Variants in ABR observed in about 807,000 individuals in gnomAD.
ABR encodes the protein active breakpoint cluster region-related protein.
ABR carries 35 observed loss-of-function variants against 107.2 expected under a neutral mutation model. The observed-to-expected ratio is 0.33, with a 90% CI of 0.25 to 0.43. ABR has a LOEUF of 0.43. ABR is among the 20% of genes least tolerant of loss of function. The pLI, the probability that ABR is intolerant of heterozygous loss-of-function variation, is 1.00. For missense variants in ABR, 815 were observed against 1,115.2 expected (o/e 0.73, Z 3.83); for synonymous variants, 498 against 462.0 (o/e 1.08, Z -1.00).
intron 3 of ABR, among the ~76,000 whole-genome samples, chr17:1,096,899 G>C (rs550633382): frequency 1.3e-5 from 2 of 148,648 alleles, no homozygotes; most frequent in South Asian, 2.2e-4. Flanking sequence ...AGCTGGGGAA[G>C]GGGGGAAACC....
At chr17:1,220,465 C>T (rs191842697) in intron 1 of ABR, among the ~76,000 whole-genome samples, 6 of 152,220 alleles carry the variant, frequency 3.9e-5, no homozygotes, top group Non-Finnish European at 8.8e-5. Flanking sequence ...TGCAGCTACG[C>T]GGTGCAGAAA....
intron 1 of ABR, among the ~76,000 whole-genome samples, chr17:1,153,412 G>T (rs544729001): frequency 6.7e-6 from 1 of 148,614 alleles, no homozygotes; most frequent in Non-Finnish European, 1.5e-5. Context: ...CGGGAGGGCT[G>T]GGGGTCCAGG....
intron 1 of ABR, among the ~76,000 whole-genome samples, chr17:1,219,106 G>C (rs113646636): frequency 6.6e-6 from 1 of 151,946 alleles, no homozygotes; most frequent in African/African-American, 2.4e-5. Flanking sequence ...GCAGTGGCGC[G>C]ATCTCGGCTC....
intron 16 of ABR, 89 bp from the exon 17 acceptor site, chr17:1,013,253 TAC>T: frequency 7.8e-7 from 1 of 1,277,494 alleles, no homozygotes; most frequent in South Asian, 1.2e-5. Context: ...CAGAGCCAGC[TAC>T]ACAGTCAGGA....
chr17:1,130,746 G>A (rs537840207), intron 1 of ABR, among the ~76,000 whole-genome samples: 2 of 152,190 alleles, frequency 1.3e-5, no homozygotes, highest in Admixed American at 1.3e-4. Flanking sequence ...TAAATCCAAT[G>A]CTGTGTCCCT....
chr17:1,192,059 G>T (rs72816218), upstream of ABR, among the ~76,000 whole-genome samples: 8,179 of 152,234 alleles, frequency 0.054, 285 homozygotes, highest in South Asian at 0.088. Context: ...AGCTGATAAA[G>T]GAAGGGGGAA....
At chr17:1,007,418 G>A in intron 21 of ABR, 106 bp from the exon 22 acceptor site, 1 of 1,360,678 alleles carries the variant, frequency 7.3e-7, no homozygotes, top group Non-Finnish European at 1.0e-6. Context: ...CTCCTGGAAG[G>A]GGTCACCTCG....
chr17:1,024,423 C>T (rs905676626), intron 16 of ABR, among the ~76,000 whole-genome samples: 13 of 152,192 alleles, frequency 8.5e-5, no homozygotes, highest in African/African-American at 2.9e-4. Flanking sequence ...GGGGTCTGAA[C>T]GTCGCCCCTC....
chr17:1,049,385 C>A (rs1222755065), intron 16 of ABR, among the ~76,000 whole-genome samples: 1 of 152,080 alleles, frequency 6.6e-6, no homozygotes, highest in Non-Finnish European at 1.5e-5. Flanking sequence ...CCAGGCTGGT[C>A]TCGAACTCCT....
At chr17:1,062,005 C>G (rs1008322480) in intron 10 of ABR, among the ~76,000 whole-genome samples, 1 of 152,208 alleles carries the variant, frequency 6.6e-6, no homozygotes, top group East Asian at 1.9e-4. Context: ...CAAAAAGCCA[C>G]AGGATCTGGG....
intron 1 of ABR, among the ~76,000 whole-genome samples, chr17:1,169,613 C>T (rs2041633196): frequency 6.6e-6 from 1 of 152,104 alleles, no homozygotes; most frequent in South Asian, 2.1e-4. Context: ...TCTCTGGGCT[C>T]GAGGGCCGTC....
intron 6 of ABR, among the ~76,000 whole-genome samples, chr17:1,076,384 A>T (rs1268181606): frequency 2.6e-5 from 4 of 152,088 alleles, no homozygotes; most frequent in Non-Finnish European, 5.9e-5. Flanking sequence ...AGGCTGTTTA[A>T]GGCACCCACC....
At chr17:1,021,660 C>T (rs1477958635) in intron 16 of ABR, among the ~76,000 whole-genome samples, 7 of 151,634 alleles carry the variant, frequency 4.6e-5, no homozygotes, top group South Asian at 4.2e-4. Flanking sequence ...AAAAATTAGC[C>T]AGGCGTGGTG....
At chr17:1,211,552 T>G (rs2042903282) in intron 1 of ABR, among the ~76,000 whole-genome samples, 1 of 152,170 alleles carries the variant, frequency 6.6e-6, no homozygotes, top group Non-Finnish European at 1.5e-5. Flanking sequence ...TTACCATAGA[T>G]TTCCTCATTA....
intron 6 of ABR, among the ~76,000 whole-genome samples, chr17:1,074,116 A>C (rs867210542): frequency 3.7e-3 from 235 of 63,088 alleles, no homozygotes; most frequent in Middle Eastern, 0.01. Context: ...CCACGCCCCG[A>C]AGAGTCCAGC....
chr17:1,229,255 G>T (rs560384710), exon 1 of ABR, among the ~76,000 whole-genome samples: 5 of 151,620 alleles, frequency 3.3e-5, no homozygotes, highest in African/African-American at 4.8e-5. Context: ...GGCTGCAGGA[G>T]CTGCCGGTGG....
At chr17:1,103,149 C>A (rs768066830) in intron 2 of ABR, among the ~76,000 whole-genome samples, 1 of 152,170 alleles carries the variant, frequency 6.6e-6, no homozygotes, top group Non-Finnish European at 1.5e-5. Context: ...TACTTATTGG[C>A]GGCTTCACAA....
At chr17:1,032,551 G>A (rs113802682) in intron 16 of ABR, among the ~76,000 whole-genome samples, 5 of 149,276 alleles carry the variant, frequency 3.3e-5, no homozygotes, top group Admixed American at 6.8e-5. Flanking sequence ...AGGACGCCAC[G>A]GGCAACCACC....
rs1004840398 is a variant in ABR at position 1,031,684 on chromosome 17, C to T, written c.1791+18366G>A. 1.1e-4 allele frequency: 134 copies of T among 1,256,354 alleles called. 1 individual carries two copies. In the Admixed American group the frequency reaches 2.7e-3, roughly 25 times the overall value. 77.8% of individuals were successfully genotyped at this position (1,256,354 alleles called of 1,614,324 possible). ...CGCTTGCTCCCCGACTCCTCCAGCG[C>T]CAGGGGTTCGCGCCCCGCCTTCGGG... On this transcript the variant is annotated intron_variant, in intron 16 of 22. Coordinates refer to ENST00000302538, the MANE Select transcript of ABR (RefSeq NM_021962.5).
Sources: gnomAD v4.1 joint callset for allele counts (sites outside exome capture counted in the v4.1 genomes callset) on GRCh38, gnomAD v4.1.1 for gene constraint, MANE v1.5 for transcripts, NCBI Gene and HGNC (gene_info 2026-07-23, HGNC 2026-07-21) for gene names.